THSD7A: variants seen among roughly 807,000 people sequenced by gnomAD.
THSD7A encodes the protein thrombospondin type-1 domain-containing protein 7A.
THSD7A carries 96 observed loss-of-function variants against 231.3 expected under a neutral mutation model. The ratio of observed to expected loss-of-function variants is 0.41; its 90% confidence interval spans 0.35 to 0.49. The LOEUF is 0.49. Among genes scored for constraint, THSD7A ranks in the 20% least tolerant of loss-of-function variants. THSD7A has a pLI of 0.05. For missense variants in THSD7A, 2,290 were observed against 2,070.2 expected (o/e 1.11, Z -2.06); for synonymous variants, 940 against 743.3 (o/e 1.26, Z -4.30).
chr7:11,567,043 T>A (rs991783096), intron 4 of THSD7A, among the ~76,000 whole-genome samples: 7 of 146,852 alleles, frequency 4.8e-5, no homozygotes, highest in African/African-American at 1.8e-4. Context: ...AGGTTTGTTT[T>A]TAAGTATCTC....
chr7:11,821,133 A>C (rs1015797010), intron 1 of THSD7A: 3 of 1,077,444 alleles, frequency 2.8e-6, no homozygotes. Flanking sequence ...CAGTTCCTCT[A>C]TTTAGGTATT....
chr7:11,498,326 G>T (rs1456293770), intron 6 of THSD7A, among the ~76,000 whole-genome samples: 1 of 152,174 alleles, frequency 6.6e-6, no homozygotes, highest in East Asian at 1.9e-4. Flanking sequence ...ATGTGAAAGG[G>T]ATCCACCAGC....
chr7:11,386,778 C>A (rs987509504), intron 23 of THSD7A, among the ~76,000 whole-genome samples: 1 of 152,190 alleles, frequency 6.6e-6, no homozygotes, highest in Non-Finnish European at 1.5e-5. Context: ...GTCATGAAGT[C>A]TTTGCCCATG....
At chr7:11,605,871 C>T (rs1480676070) in intron 2 of THSD7A, among the ~76,000 whole-genome samples, 1 of 152,100 alleles carries the variant, frequency 6.6e-6, no homozygotes, top group Admixed American at 6.6e-5. Flanking sequence ...CACACACTGC[C>T]CCATGAAATG....
intron 6 of THSD7A, among the ~76,000 whole-genome samples, chr7:11,506,532 G>A (rs2128311922): frequency 6.6e-6 from 1 of 152,240 alleles, no homozygotes. Context: ...ACATAGTTCA[G>A]ATCACAACAT....
At chr7:11,728,358 T>C (rs1468124378) in intron 1 of THSD7A, among the ~76,000 whole-genome samples, 1 of 151,960 alleles carries the variant, frequency 6.6e-6, no homozygotes, top group Admixed American at 6.6e-5. Context: ...GGAGTTTTCC[T>C]ATACATTGAT....
At position 11,637,437 on chromosome 7, in the gene THSD7A, A is replaced by G. The variant is rs1781909802; in HGVS notation, c.191-476T>C. ...TGTGGAACTTGCTCTCTTCTTCAAC[A>G]TATTTTATTTTCATAGACTATGACT... is the stretch of plus-strand genomic sequence containing the variant. On this transcript the variant is annotated intron_variant, in intron 1 of 27. Coordinates refer to ENST00000423059, the MANE Select transcript of THSD7A (RefSeq NM_015204.3). The surrounding 1 kb of genome is among the most constrained non-coding windows in gnomAD (Gnocchi z 4.2). 6.6e-6 allele frequency among the ~76,000 whole-genome samples: 1 copy of G among 152,162 alleles called. No individual in the cohort carries two copies. The highest frequency in any genetic ancestry group is 1.5e-5 in the Non-Finnish European group (1 of 68,042).
intron 1 of THSD7A, among the ~76,000 whole-genome samples, chr7:11,745,304 T>G (rs1423706750): frequency 3.3e-5 from 5 of 152,132 alleles, no homozygotes; most frequent in Non-Finnish European, 1.5e-5. Flanking sequence ...GTTTTTTTCT[T>G]GTAAATTTGT....
chr7:11,407,144 C>G (rs1442916572), intron 20 of THSD7A, 89 bp from the exon 21 acceptor site: 1 of 1,526,668 alleles, frequency 6.6e-7, no homozygotes, highest in Non-Finnish European at 8.9e-7. Flanking sequence ...ACAGTGATAT[C>G]TCCTGAGGCA....
intron 1 of THSD7A, among the ~76,000 whole-genome samples, chr7:11,825,580 G>A (rs566632315): frequency 6.6e-6 from 1 of 152,076 alleles, no homozygotes; most frequent in Non-Finnish European, 1.5e-5. Context: ...CAGAACAATA[G>A]CAATAATAAA....
intron 1 of THSD7A, among the ~76,000 whole-genome samples, chr7:11,683,120 CA>C (rs71027424): frequency 0.21 from 21,040 of 99,412 alleles, 1,455 homozygotes; most frequent in Middle Eastern, 0.29. Flanking sequence ...GACTCCATCT[CA>C]AAAAAAAAAA....
intron 6 of THSD7A, among the ~76,000 whole-genome samples, chr7:11,502,104 C>A (rs761169964): frequency 2.0e-5 from 3 of 152,044 alleles, no homozygotes; most frequent in Non-Finnish European, 4.4e-5. Context: ...CTTGAAAAGA[C>A]CAATAATGAG....
chr7:11,699,838 C>T (rs930722849), intron 1 of THSD7A, among the ~76,000 whole-genome samples: 4 of 151,002 alleles, frequency 2.6e-5, no homozygotes, highest in Admixed American at 6.6e-5. Flanking sequence ...TGCTATAAAG[C>T]GACTATAATT....
Position 11,732,996 on chromosome 7 carries a change from T to G in THSD7A, c.191-96035A>C, listed in dbSNP as rs562285694. Among the ~76,000 whole-genome samples, 63 of 151,912 alleles carry G rather than the reference T, an allele frequency of 4.1e-4. 1 individual carries two copies. The highest frequency in any genetic ancestry group is 4.6e-4 in the Non-Finnish European group (31 of 67,842). On this transcript the variant is annotated intron_variant, in intron 1 of 27. Coordinates refer to ENST00000423059, the MANE Select transcript of THSD7A (RefSeq NM_015204.3). ...ATGGAACATAAATATCTAAGCAGTA[T>G]TTGGTAATGTTACCAGGAAATGTAA...
At chr7:11,579,119 C>A (rs963751210) in intron 4 of THSD7A, among the ~76,000 whole-genome samples, 1 of 152,104 alleles carries the variant, frequency 6.6e-6, no homozygotes, top group African/African-American at 2.4e-5. Flanking sequence ...AATGATGAGA[C>A]CTTTCCAAGA....
intron 4 of THSD7A, among the ~76,000 whole-genome samples, chr7:11,569,850 G>A (rs1391913019): frequency 6.6e-6 from 1 of 152,138 alleles, no homozygotes; most frequent in Admixed American, 6.6e-5. Flanking sequence ...TCCATACAAA[G>A]AAATGAAATT....
chr7:11,755,219 C>T (rs2128166144), intron 1 of THSD7A, among the ~76,000 whole-genome samples: 1 of 152,112 alleles, frequency 6.6e-6, no homozygotes, highest in Non-Finnish European at 1.5e-5. Flanking sequence ...TCAAAAATTT[C>T]AACAGTGCCA....
intron 1 of THSD7A, among the ~76,000 whole-genome samples, chr7:11,654,067 G>A (rs1782615316): frequency 1.3e-5 from 2 of 151,974 alleles, no homozygotes; most frequent in East Asian, 3.9e-4. Context: ...TCAAAGTTGA[G>A]AGATATTTTT....
At chr7:11,769,153 A>ATATATATATATTTTTT in intron 1 of THSD7A, among the ~76,000 whole-genome samples, 2 of 27,662 alleles carry the variant, frequency 7.2e-5, no homozygotes, top group African/African-American at 2.5e-4. Flanking sequence ...ATATATATAT[A>ATATATATATATTTTTT]TTTTTTTTTT....
Sources: gnomAD v4.1 joint callset for allele counts (sites outside exome capture counted in the v4.1 genomes callset) on GRCh38, gnomAD v4.1.1 for gene constraint, Gnocchi (gnomAD v3.1) non-coding constraint, MANE v1.5 for transcripts, NCBI Gene and HGNC (gene_info 2026-07-23, HGNC 2026-07-21) for gene names.